The following LMO7 variants were observed in gnomAD, a reference collection of about 807,000 sequenced individuals.
LMO7 encodes LIM domain only protein 7.
In LMO7, 120 loss-of-function variants were observed where a neutral mutation model predicts 206.5. The ratio of observed to expected loss-of-function variants is 0.58; its 90% confidence interval spans 0.50 to 0.68. The LOEUF (loss-of-function observed/expected upper bound fraction) is 0.68. Ranked by LOEUF, LMO7 falls within the 30% of genes least tolerant of loss-of-function variation. The pLI is 0.00. For synonymous variants in LMO7, 706 were observed against 681.5 expected (o/e 1.04, Z -0.56); for missense variants, 1,959 against 1,957.9 (o/e 1.00, Z -0.01).
chr13:75,634,429 TCTTAAAAAA>T (rs1319481034), upstream of LMO7, among the ~76,000 whole-genome samples: 2 of 115,922 alleles, frequency 1.7e-5, no homozygotes, highest in African/African-American at 2.9e-5. Context: ...CAGAGCTGTC[TCTTAAAAAA>T]CTTAAAAAAC....
intron 1 of LMO7, among the ~76,000 whole-genome samples, chr13:75,668,851 C>T (rs996271845): frequency 5.9e-5 from 9 of 152,100 alleles, no homozygotes; most frequent in East Asian, 5.8e-4. Context: ...AATTTGATTT[C>T]GGTCATGTTG....
At chr13:75,625,358 C>A (rs2033887010) in intron 2 of LMO7, among the ~76,000 whole-genome samples, 1 of 152,068 alleles carries the variant, frequency 6.6e-6, no homozygotes, top group South Asian at 2.1e-4. Context: ...GACAGCACTT[C>A]TTTAAATAAT....
At chr13:75,684,044 G>T (rs777469725) in intron 1 of LMO7, among the ~76,000 whole-genome samples, 1 of 152,066 alleles carries the variant, frequency 6.6e-6, no homozygotes, top group Admixed American at 6.5e-5. Flanking sequence ...CAAAAGGGAG[G>T]GGGGACAGAA....
At chr13:75,626,611 G>A (rs1000160437) in intron 2 of LMO7, among the ~76,000 whole-genome samples, 1 of 87,146 alleles carries the variant, frequency 1.1e-5, no homozygotes, top group African/African-American at 3.7e-5. Context: ...TTGAGACAGG[G>A]TCTCACTCTG....
intron 1 of LMO7, among the ~76,000 whole-genome samples, chr13:75,686,125 C>A (rs2040964832): frequency 6.6e-6 from 1 of 151,984 alleles, no homozygotes; most frequent in Admixed American, 6.6e-5. Flanking sequence ...GCAGTCCTCC[C>A]ACTTCAGCCT....
intron 1 of LMO7, among the ~76,000 whole-genome samples, chr13:75,705,550 T>A (rs776505128): frequency 2.0e-5 from 3 of 152,232 alleles, no homozygotes; most frequent in Non-Finnish European, 2.9e-5. Context: ...TTGTGTTGAC[T>A]TTTGATAACT....
chr13:75,801,423 C>A (rs1463582936), intron 7 of LMO7, among the ~76,000 whole-genome samples: 1 of 152,088 alleles, frequency 6.6e-6, no homozygotes, highest in Non-Finnish European at 1.5e-5. Flanking sequence ...GAGTAATATA[C>A]CACCACCTAA....
intron 4 of LMO7, among the ~76,000 whole-genome samples, chr13:75,767,171 G>T (rs2049013185): frequency 2.0e-5 from 3 of 152,074 alleles, no homozygotes; most frequent in African/African-American, 7.2e-5. Context: ...ATAAATCCTT[G>T]TGCGGATGTG....
chr13:75,793,270 T>TTTTG (rs1026924202), intron 4 of LMO7, among the ~76,000 whole-genome samples: 2 of 152,146 alleles, frequency 1.3e-5, no homozygotes, highest in Admixed American at 6.5e-5. Context: ...AGTGCTGGGT[T>TTTTG]TTTGTTTGTT....
chr13:75,621,128 A>G (rs2033290030), exon 1 of LMO7: 1 of 152,206 alleles, frequency 6.6e-6, no homozygotes, highest in Non-Finnish European at 1.5e-5. Context: ...GCAGTCACAA[A>G]TGTTATCTAT....
intron 1 of LMO7, among the ~76,000 whole-genome samples, chr13:75,662,623 T>G (rs549895743): frequency 7.3e-6 from 1 of 137,276 alleles, no homozygotes; most frequent in East Asian, 1.9e-4. Context: ...CTGGCAAAAC[T>G]AAGTTTTTTA....
At chr13:75,709,185 T>G (rs1035890384) in intron 1 of LMO7, among the ~76,000 whole-genome samples, 2 of 152,240 alleles carry the variant, frequency 1.3e-5, no homozygotes, top group Non-Finnish European at 2.9e-5. Flanking sequence ...ACTTTCTTAA[T>G]CCAGTCTATG....
At chr13:75,831,752 T>C (rs2058687240) in intron 15 of LMO7, among the ~76,000 whole-genome samples, 1 of 152,158 alleles carries the variant, frequency 6.6e-6, no homozygotes, top group African/African-American at 2.4e-5. Flanking sequence ...CCCATGAGAC[T>C]GCATTAATCC....
intron 2 of LMO7, among the ~76,000 whole-genome samples, chr13:75,626,131 T>C (rs2034037593): frequency 6.6e-6 from 1 of 152,202 alleles, no homozygotes; most frequent in Non-Finnish European, 1.5e-5. Flanking sequence ...GGCCAGTCAG[T>C]CCTGTACTCT....
chr13:75,716,001 A>G (rs914093819), intron 2 of LMO7, among the ~76,000 whole-genome samples: 19 of 152,192 alleles, frequency 1.2e-4, no homozygotes, highest in Non-Finnish European at 2.9e-5. Context: ...TAAAACCTGA[A>G]TTCATTTTCG....
At position 75,841,835 on chromosome 13, in the gene LMO7, G is replaced by A. The variant is rs748143479; in HGVS notation, c.3883G>A (p.Glu1295Lys). Residue 1295 changes from glutamate to lysine, a missense_variant, in exon 24 of 31, where the codon GAG (glutamate) becomes AAG (lysine). By Grantham distance (56) the Glu-to-Lys change is moderately conservative. Coordinates refer to ENST00000377534, the MANE Select transcript of LMO7 (RefSeq NM_001306080.2). ...KPQDQLVIERERKWEQQLQEE... is the reference protein window; with the variant it reads ...KPQDQLVIERKRKWEQQLQEE... ...GCAGGATCAGCTTGTTATTGAGAGA[G>A]AGAGGAAATGGGAGCAACAGCTTCA... The A allele has an allele frequency of 3.0e-5, 49 of 1,614,010 alleles. No individual in the cohort carries two copies. Among genetic ancestry groups the A allele is most frequent in the Non-Finnish European group, 3.4e-5 (40 of 1,180,008 alleles).
chr13:75,800,617 TAAC>T, intron 6 of LMO7, 64 bp from the exon 7 acceptor site: 3 of 1,437,378 alleles, frequency 2.1e-6, no homozygotes, highest in Non-Finnish European at 2.9e-6. Context: ...AAGCAAGTAA[TAAC>T]CGATTGATTA....
intron 11 of LMO7, among the ~76,000 whole-genome samples, chr13:75,813,688 G>A (rs1046201465): frequency 6.6e-6 from 1 of 152,188 alleles, no homozygotes; most frequent in Non-Finnish European, 1.5e-5. Flanking sequence ...GCTGTGCTCC[G>A]TGTTGGGGGC....
chr13:75,733,011 T>A (rs1393444821), intron 3 of LMO7, among the ~76,000 whole-genome samples: 2 of 152,186 alleles, frequency 1.3e-5, no homozygotes, highest in African/African-American at 4.8e-5. Context: ...TTCCCAGCCA[T>A]GTGAGGTGTC....
Sources: allele counts gnomAD v4.1 joint callset (sites outside exome capture counted in the v4.1 genomes callset), GRCh38; gene constraint gnomAD v4.1.1; transcripts MANE v1.5; gene names NCBI Gene and HGNC (gene_info 2026-07-23, HGNC 2026-07-21).